MAD1L1: variants seen among roughly 807,000 people sequenced by gnomAD.
MAD1L1 encodes mitotic arrest deficient 1 like 1.
In MAD1L1, 95 loss-of-function variants were observed where a neutral mutation model predicts 96.9. That is an observed-to-expected ratio of 0.98 (90% confidence interval 0.83 to 1.16). MAD1L1 has a LOEUF of 1.16. MAD1L1 is among the 50% of genes most tolerant of loss of function. The pLI, the probability that MAD1L1 is intolerant of heterozygous loss-of-function variation, is 0.00. For synonymous variants in MAD1L1, 473 were observed against 396.6 expected, an observed-to-expected ratio of 1.19 and a Z score of -2.29; for missense variants, 1,007 against 954.4, an observed-to-expected ratio of 1.06 and a Z score of -0.73.
At chr7:2,164,785 A>T (rs1790344456) in intron 10 of MAD1L1, among the ~76,000 whole-genome samples, 1 of 152,186 alleles carries the variant, frequency 6.6e-6, no homozygotes, top group African/African-American at 2.4e-5. Flanking sequence ...CAGCAAGGAC[A>T]CTACATGGAC....
intron 18 of MAD1L1, among the ~76,000 whole-genome samples, chr7:1,885,479 C>T (rs1785955012): frequency 9.3e-6 from 1 of 107,256 alleles, no homozygotes; most frequent in Non-Finnish European, 1.8e-5. Context: ...GGGGGCTGGG[C>T]TGCGGGTGTG....
chr7:1,842,917 G>C (rs1783358269), intron 18 of MAD1L1, among the ~76,000 whole-genome samples: 1 of 152,246 alleles, frequency 6.6e-6, no homozygotes, highest in African/African-American at 2.4e-5. Flanking sequence ...ACACTGCCTG[G>C]AGCTCAGGGG....
Position 2,215,968 on chromosome 7 carries a change from C to A in MAD1L1, c.841G>T (p.Glu281Ter). The A allele has an allele frequency of 6.2e-7, 1 of 1,614,208 alleles. No homozygotes were observed. Among genetic ancestry groups the A allele is most frequent in the African/African-American group, 1.3e-5 (1 of 75,064 alleles). ...EMRETNGLLQ[E>*]ELEGLQRKLG... ...TTCCTCTGCAGCCCTTCCAGCTCTTCCTGGAGCAGCCCGTTGGTCTCTCTC... is the reference window on the plus strand; with the variant it reads ...TTCCTCTGCAGCCCTTCCAGCTCTTACTGGAGCAGCCCGTTGGTCTCTCTC... The change falls in exon 9 of 19, where the codon GAA becomes TAA. Residue 281 changes from glutamate (E) to a stop codon, truncating the protein, a stop_gained. Transcript: ENST00000265854. LOFTEE classifies it high-confidence loss of function.
At chr7:2,175,493 C>CA (rs143638196) in intron 10 of MAD1L1, 7,788 of 87,490 alleles carry the variant, frequency 0.089, 92 homozygotes, top group Non-Finnish European at 0.13. Flanking sequence ...GAACCTTTGC[C>CA]AAAAAAAAAA....
chr7:2,149,506 G>A (rs1789466523), intron 10 of MAD1L1, among the ~76,000 whole-genome samples: 1 of 152,186 alleles, frequency 6.6e-6, no homozygotes, highest in South Asian at 2.1e-4. Flanking sequence ...CGACCTGACA[G>A]TGTCACTCTT....
intron 17 of MAD1L1, 59 bp from the exon 18 acceptor site, chr7:1,898,449 C>T (rs1392743694): frequency 1.7e-5 from 25 of 1,513,956 alleles, no homozygotes; most frequent in East Asian, 4.5e-5. Flanking sequence ...GGTGGGGACC[C>T]GGGAGCGGCC....
chr7:2,149,097 C>A, intron 11 of MAD1L1, 55 bp downstream of exon 11: 1 of 1,524,998 alleles, frequency 6.6e-7, no homozygotes, highest in Non-Finnish European at 9.1e-7. Context: ...CTCACTCACC[C>A]CTAACTCTCC....
intron 18 of MAD1L1, among the ~76,000 whole-genome samples, chr7:1,842,537 TCACTGG>T (rs1203187228): frequency 1.3e-5 from 2 of 152,252 alleles, no homozygotes; most frequent in Admixed American, 6.5e-5. Flanking sequence ...TGCCGCGTGC[TCACTGG>T]CCCCCCAGGC....
intron 18 of MAD1L1, among the ~76,000 whole-genome samples, chr7:1,820,874 G>T (rs982681787): frequency 1.4e-4 from 22 of 152,208 alleles, no homozygotes; most frequent in South Asian, 1.2e-3. Flanking sequence ...GAGGTCAGGA[G>T]ATCAAGACCA....
At chr7:2,101,666 G>A (rs1786787813) in intron 11 of MAD1L1, among the ~76,000 whole-genome samples, 1 of 152,218 alleles carries the variant, frequency 6.6e-6, no homozygotes, top group Non-Finnish European at 1.5e-5. Flanking sequence ...TGGACCCTGA[G>A]AGCCAGTAAA....
chr7:2,221,000 T>G (rs375213626), intron 5 of MAD1L1: 1 of 1,612,048 alleles, frequency 6.2e-7, no homozygotes, highest in Admixed American at 1.7e-5. Flanking sequence ...AATTCCAGAG[T>G]AAGGAGCGTG....
chr7:2,135,962 A>G (rs1788729850), intron 11 of MAD1L1, among the ~76,000 whole-genome samples: 1 of 152,136 alleles, frequency 6.6e-6, no homozygotes, highest in Admixed American at 6.5e-5. Flanking sequence ...CTAGTCCCCT[A>G]AGGGATTCAC....
rs148138776 is a variant in MAD1L1 at position 1,883,706 on chromosome 7, G to A, written c.1998+14494C>T. Among the ~76,000 whole-genome samples, 4 of 152,328 alleles carry A rather than the reference G, an allele frequency of 2.6e-5. No homozygotes were observed. In the East Asian group the frequency reaches 5.8e-4, roughly 22 times the overall value. On this transcript the variant is annotated intron_variant, in intron 18 of 18. Coordinates refer to ENST00000265854, the MANE Select transcript of MAD1L1 (RefSeq NM_001013836.2). ...GGGGTCCAAAGCCTGATTTCACGGA[G>A]GCCGAGGCAGAGGGTGCAGGTCCAG...
chr7:2,205,092 T>C (rs938113120), intron 10 of MAD1L1, among the ~76,000 whole-genome samples: 125 of 134,560 alleles, frequency 9.3e-4, no homozygotes, highest in Non-Finnish European at 1.5e-3. Context: ...TTCTTTTTTT[T>C]TTTTTTTTTT....
chr7:2,123,733 T>C (rs1006695779), intron 11 of MAD1L1, among the ~76,000 whole-genome samples: 6 of 152,178 alleles, frequency 3.9e-5, no homozygotes, highest in South Asian at 4.1e-4. Context: ...GCTGAATCGA[T>C]AGATCCTCCG....
At chr7:2,076,999 A>T (rs1002789910) in intron 11 of MAD1L1, among the ~76,000 whole-genome samples, 5 of 146,096 alleles carry the variant, frequency 3.4e-5, no homozygotes, top group Admixed American at 1.4e-4. Flanking sequence ...GACGGTTATG[A>T]CACAGTGAGC....
chr7:2,153,798 C>T (rs4721447), intron 10 of MAD1L1, among the ~76,000 whole-genome samples: 48,957 of 152,162 alleles, frequency 0.32, 8,547 homozygotes, highest in East Asian at 0.55. Context: ...CTGTGTCTAT[C>T]GACAGACGAA....
intron 18 of MAD1L1, among the ~76,000 whole-genome samples, chr7:1,828,832 G>GTCCC (rs1782560299): frequency 6.6e-6 from 1 of 152,166 alleles, no homozygotes; most frequent in African/African-American, 2.4e-5. Context: ...ATCACATTAA[G>GTCCC]TCACTGTAAC....
intron 10 of MAD1L1, among the ~76,000 whole-genome samples, chr7:2,183,823 A>G (rs977295957): frequency 3.3e-5 from 5 of 152,172 alleles, no homozygotes; most frequent in African/African-American, 9.7e-5. Context: ...TAATCGGTGC[A>G]GCACACCAAC....
Sources: gnomAD v4.1 joint callset for allele counts (sites outside exome capture counted in the v4.1 genomes callset) on GRCh38, gnomAD v4.1.1 for gene constraint, MANE v1.5 for transcripts, NCBI Gene and HGNC (gene_info 2026-07-23, HGNC 2026-07-21) for gene names.